The following ITCH variants were observed in gnomAD, a reference collection of about 807,000 sequenced individuals.
ITCH encodes the protein E3 ubiquitin-protein ligase Itchy homolog.
In ITCH, 28 loss-of-function variants were observed where a neutral mutation model predicts 126.8. That is an observed-to-expected ratio of 0.22 (90% CI 0.16 to 0.30). ITCH has a LOEUF of 0.30. Ranked by LOEUF, ITCH falls within the 10% of genes least tolerant of loss-of-function variation. The pLI, the probability that ITCH is intolerant of heterozygous loss-of-function variation, is 1.00. For missense variants in ITCH, 631 were observed against 1,032.4 expected, an observed-to-expected ratio of 0.61 and a Z score of 5.33; for synonymous variants, 342 against 340.0, an observed-to-expected ratio of 1.01 and a Z score of -0.06.
intron 3 of ITCH, among the ~76,000 whole-genome samples, chr20:34,404,437 G>GAGA: frequency 2.7e-5 from 1 of 36,654 alleles, no homozygotes; most frequent in South Asian, 7.1e-4. Context: ...TTTTTTTTTT[G>GAGA]AGATGGAGTT....
chr20:34,479,545 A>T, intron 17 of ITCH, 85 bp from the exon 18 acceptor site: 1 of 1,097,936 alleles, frequency 9.1e-7, no homozygotes, highest in Non-Finnish European at 1.4e-6. Flanking sequence ...TGAGGGGTAT[A>T]GATCCCTGAG....
intron 23 of ITCH, among the ~76,000 whole-genome samples, chr20:34,497,250 CT>C: frequency 6.6e-6 from 1 of 152,168 alleles, no homozygotes; most frequent in Non-Finnish European, 1.5e-5. Context: ...CTGCCTCAGC[CT>C]CCCAAAGTGC....
intron 14 of ITCH, among the ~76,000 whole-genome samples, chr20:34,465,266 A>G (rs937795243): frequency 1.3e-5 from 2 of 151,974 alleles, no homozygotes; most frequent in Non-Finnish European, 2.9e-5. Flanking sequence ...TGATTTGCCA[A>G]TACCACGCTA....
At chr20:34,438,292 G>A (rs967715731) in intron 7 of ITCH, among the ~76,000 whole-genome samples, 182 bp from the exon 8 acceptor site, 18 of 152,068 alleles carry the variant, frequency 1.2e-4, no homozygotes, top group African/African-American at 4.3e-4. Flanking sequence ...GAACTCTGGG[G>A]GTTATATAGG....
At chr20:34,461,720 A>G (rs1003132223) in intron 13 of ITCH, among the ~76,000 whole-genome samples, 25 of 151,596 alleles carry the variant, frequency 1.6e-4, no homozygotes, top group Non-Finnish European at 3.5e-4. Flanking sequence ...AAAAAAAAAA[A>G]AAAAAAAAAA....
intron 2 of ITCH, among the ~76,000 whole-genome samples, chr20:34,372,820 C>G (rs915613815): frequency 1.1e-4 from 16 of 152,078 alleles, no homozygotes; most frequent in African/African-American, 3.6e-4. Context: ...TATAAAACTC[C>G]TGGTTTAAGG....
At chr20:34,399,961 A>G (rs1008468310) in intron 3 of ITCH, among the ~76,000 whole-genome samples, 2 of 151,542 alleles carry the variant, frequency 1.3e-5, no homozygotes, top group Admixed American at 6.6e-5. Context: ...TTTTTTTAAG[A>G]CGGAGTCTCG....
intron 2 of ITCH, among the ~76,000 whole-genome samples, chr20:34,385,020 A>T (rs762069817): frequency 4.3e-5 from 6 of 137,970 alleles, no homozygotes; most frequent in South Asian, 2.3e-4. Flanking sequence ...AAACAAGAAA[A>T]TTTTTTTTTT....
intron 6 of ITCH, among the ~76,000 whole-genome samples, chr20:34,423,070 C>T (rs934090638): frequency 1.3e-5 from 2 of 152,186 alleles, no homozygotes; most frequent in Non-Finnish European, 2.9e-5. Flanking sequence ...GCTGGGATTA[C>T]AGGTGTGAGC....
At chr20:34,491,146 A>C (rs745736651) in intron 22 of ITCH, among the ~76,000 whole-genome samples, 18 of 152,176 alleles carry the variant, frequency 1.2e-4, no homozygotes, top group Non-Finnish European at 2.2e-4. Flanking sequence ...AAACCCAATA[A>C]ACCCATCATA....
intron 14 of ITCH, among the ~76,000 whole-genome samples, chr20:34,467,178 C>A (rs895326471): frequency 2.6e-5 from 4 of 152,084 alleles, no homozygotes; most frequent in African/African-American, 9.7e-5. Context: ...AAAATGGACA[C>A]AAGAACAGAT....
At chr20:34,404,415 C>CTTTT (rs1302908229) in intron 3 of ITCH, among the ~76,000 whole-genome samples, 40 of 120,476 alleles carry the variant, frequency 3.3e-4, no homozygotes, top group African/African-American at 4.3e-4. Flanking sequence ...GAGCTTCTGT[C>CTTTT]TTTTTTTTTT....
intron 3 of ITCH, among the ~76,000 whole-genome samples, chr20:34,404,307 G>C (rs1311464466): frequency 6.6e-6 from 1 of 151,752 alleles, no homozygotes; most frequent in Non-Finnish European, 1.5e-5. Flanking sequence ...TATAACACAA[G>C]GTTTTGTTCA....
At chr20:34,406,850 G>A (rs2039076352) in intron 3 of ITCH, among the ~76,000 whole-genome samples, 1 of 152,096 alleles carries the variant, frequency 6.6e-6, no homozygotes, top group Non-Finnish European at 1.5e-5. Flanking sequence ...AGCTTCTTAA[G>A]TAGTTACTAT....
At chr20:34,478,352 T>C (rs1267398445) in intron 17 of ITCH, among the ~76,000 whole-genome samples, 3 of 152,218 alleles carry the variant, frequency 2.0e-5, no homozygotes, top group Non-Finnish European at 4.4e-5. Flanking sequence ...CATGAAAATA[T>C]AGAAGGTTGT....
chr20:34,456,085 GTA>G (rs1331847048), intron 12 of ITCH, among the ~76,000 whole-genome samples: 5 of 139,938 alleles, frequency 3.6e-5, no homozygotes, highest in Admixed American at 1.5e-4. Flanking sequence ...TCCTTATTTT[GTA>G]TATATATGTA....
chr20:34,489,845 G>A lies in ITCH; in HGVS notation c.2238G>A (p.Glu746=). 1 of 1,613,728 alleles carries A rather than the reference G, an allele frequency of 6.2e-7. No homozygotes were observed. Among genetic ancestry groups the A allele is most frequent in the South Asian group, 1.1e-5 (1 of 91,078 alleles). The change falls in exon 22 of 25, where the codon GAG becomes GAA. Residue 746 remains glutamate, a synonymous_variant. Coordinates refer to ENST00000374864, the MANE Select transcript of ITCH (RefSeq NM_031483.7). ...ELEVLLCGMQ[E]IDLNDWQRHA... ...AGGTCCTTTTATGTGGAATGCAAGA[G>A]ATTGATTTGAATGACTGGCAAAGAC...
At chr20:34,467,250 C>A (rs985509399) in intron 14 of ITCH, among the ~76,000 whole-genome samples, 5 of 152,114 alleles carry the variant, frequency 3.3e-5, no homozygotes, top group Non-Finnish European at 7.4e-5. Flanking sequence ...TTTTTAAGGG[C>A]AGGCCCAGTG....
intron 14 of ITCH, among the ~76,000 whole-genome samples, chr20:34,462,614 T>C (rs999108072): frequency 6.6e-6 from 1 of 152,240 alleles, no homozygotes; most frequent in Non-Finnish European, 1.5e-5. Flanking sequence ...TTATGACTTC[T>C]TTTGTGGGAA....
Sources: allele counts gnomAD v4.1 joint callset (sites outside exome capture counted in the v4.1 genomes callset), GRCh38; gene constraint gnomAD v4.1.1; transcripts MANE v1.5; gene names NCBI Gene and HGNC (gene_info 2026-07-23, HGNC 2026-07-21).